CDK5RAP2: variants seen among roughly 807,000 people sequenced by gnomAD.
CDK5RAP2 encodes the protein CDK5 regulatory subunit associated protein 2.
A neutral mutation model predicts 232.9 loss-of-function variants in CDK5RAP2; 147 were observed. That is an observed-to-expected ratio of 0.63 (90% CI 0.55 to 0.72). CDK5RAP2 has a LOEUF of 0.72. Among genes scored for constraint, CDK5RAP2 ranks in the 30% least tolerant of loss-of-function variants. The pLI is 0.00. For synonymous variants in CDK5RAP2, 833 were observed against 833.7 expected, an observed-to-expected ratio of 1.00 and a Z score of 0.01; for missense variants, 2,195 against 2,231.5, an observed-to-expected ratio of 0.98 and a Z score of 0.33.
chr9:120,419,111 C>T (rs1281975243), intron 27 of CDK5RAP2, among the ~76,000 whole-genome samples: 1 of 152,184 alleles, frequency 6.6e-6, no homozygotes, highest in Admixed American at 6.5e-5. Flanking sequence ...CCAGCTCTCT[C>T]GCCTTCCTTC....
intron 12 of CDK5RAP2, among the ~76,000 whole-genome samples, chr9:120,515,535 A>G (rs2040294983): frequency 6.6e-6 from 1 of 152,248 alleles, no homozygotes; most frequent in Non-Finnish European, 1.5e-5. Flanking sequence ...GTGTTCAATA[A>G]CACTGAATAA....
At chr9:120,501,466 G>A (rs1019671705) in intron 12 of CDK5RAP2, among the ~76,000 whole-genome samples, 3 of 152,166 alleles carry the variant, frequency 2.0e-5, no homozygotes, top group Non-Finnish European at 4.4e-5. Flanking sequence ...GGAATTTTGT[G>A]TATTTTGTTT....
Position 120,408,238 on chromosome 9 carries a change from A to T in CDK5RAP2, c.4726+109T>A. ...TCAACACCCATCCACTCTACCCACA[A>T]GGCCAGAGTGGAGAGGGCTGAGCTC... On this transcript the variant is annotated intron_variant, in intron 31 of 37. Coordinates refer to ENST00000349780, the MANE Select transcript of CDK5RAP2 (RefSeq NM_018249.6). 3 of 1,291,086 alleles carry T rather than the reference A, an allele frequency of 2.3e-6. No individual in the cohort carries two copies. The South Asian group carries it at 3.6e-5, about 15-fold the overall frequency. The allele number at this position is 1,291,086 out of a possible 1,614,324, so 80.0% of individuals were successfully genotyped here. A position where few individuals can be genotyped will look rare whatever the true frequency, so the allele number is the denominator to read the frequency against.
chr9:120,454,015 G>C, intron 20 of CDK5RAP2, 142 bp from the exon 21 acceptor site: 1 of 815,432 alleles, frequency 1.2e-6, no homozygotes, highest in Non-Finnish European at 2.1e-6. Context: ...CAACGTGCCA[G>C]GGCCCACATC....
chr9:120,519,260 T>C (rs1029935794), intron 11 of CDK5RAP2, among the ~76,000 whole-genome samples: 3 of 151,754 alleles, frequency 2.0e-5, no homozygotes, highest in African/African-American at 7.3e-5. Context: ...CTATAGTTAC[T>C]TTTTTTTGTC....
chr9:120,572,167 T>A, intron 1 of CDK5RAP2, 126 bp from the exon 2 acceptor site: 1 of 771,548 alleles, frequency 1.3e-6, no homozygotes, highest in Non-Finnish European at 2.3e-6. Context: ...GGGCTACCTA[T>A]GTGGCATGAA....
chr9:120,490,148 G>A (rs1167829133), intron 13 of CDK5RAP2, among the ~76,000 whole-genome samples: 4 of 152,134 alleles, frequency 2.6e-5, no homozygotes, highest in Non-Finnish European at 4.4e-5. Flanking sequence ...GATAAACTCA[G>A]GCCATCCACC....
At chr9:120,548,146 G>A (rs2041918189) in intron 4 of CDK5RAP2, among the ~76,000 whole-genome samples, 1 of 152,172 alleles carries the variant, frequency 6.6e-6, no homozygotes. Context: ...CATCTATGAG[G>A]CAGAACTTTT....
intron 6 of CDK5RAP2, among the ~76,000 whole-genome samples, chr9:120,538,048 G>A (rs377183910): frequency 9.2e-5 from 14 of 152,132 alleles, no homozygotes; most frequent in African/African-American, 3.1e-4. Flanking sequence ...TTACATTTTC[G>A]CTAAAATTCA....
intron 27 of CDK5RAP2, among the ~76,000 whole-genome samples, chr9:120,417,453 T>C (rs997400007): frequency 6.6e-6 from 1 of 152,236 alleles, no homozygotes; most frequent in Admixed American, 6.5e-5. Context: ...GCTAGTCAGG[T>C]AGGAGTCAGT....
In CDK5RAP2 at chr9:120,389,129, T is replaced by TA; in HGVS notation, c.*106_*107insT. On this transcript the variant is annotated 3_prime_UTR_variant, in exon 38 of 38. Transcript: ENST00000349780. ...ATGAAGGGAAAAAATAGATTTCCTT[T>TA]GGCCAGACAGCTCTTTCTTCCTCAA... The TA allele has an allele frequency of 3.2e-6, 3 of 950,290 alleles. No individual in the cohort carries two copies. The highest frequency in any genetic ancestry group is 4.9e-6 in the Non-Finnish European group (3 of 609,870). 58.9% of individuals were successfully genotyped at this position (950,290 alleles called of 1,614,324 possible).
At position 120,458,583 on chromosome 9, in the gene CDK5RAP2, A is replaced by G. The variant is rs1341895459; in HGVS notation, c.2242T>C (p.Tyr748His). ...DLSKGGCKNG[Y>H]LRHTESKISD... ...ATCTTAGACTCCGTGTGCCTTAAGT[A>G]TCCATTTTTGCAGCCTCCTTTGGAA... Residue 748 changes from tyrosine (Y) to histidine (H), a missense_variant, in exon 20 of 38, where the codon TAC (tyrosine) becomes CAC (histidine). Transcript: ENST00000349780. The G allele has an allele frequency of 6.2e-7, 1 of 1,614,184 alleles. No homozygotes were observed. Among genetic ancestry groups the G allele is most frequent in the Non-Finnish European group, 8.5e-7 (1 of 1,180,026 alleles).
At chr9:120,559,210 C>T (rs555727594) in intron 3 of CDK5RAP2, among the ~76,000 whole-genome samples, 8 of 152,034 alleles carry the variant, frequency 5.3e-5, no homozygotes, top group East Asian at 1.9e-4. Flanking sequence ...ACATTGAGGC[C>T]GGGCACGGTG....
chr9:120,465,367 G>T (rs1003772172), intron 18 of CDK5RAP2, among the ~76,000 whole-genome samples: 7 of 152,262 alleles, frequency 4.6e-5, no homozygotes, highest in Admixed American at 4.6e-4. Context: ...GAAAATAGGT[G>T]CAACCTCATT....
intron 12 of CDK5RAP2, among the ~76,000 whole-genome samples, chr9:120,497,527 T>A (rs2039366769): frequency 6.9e-6 from 1 of 144,230 alleles, no homozygotes; most frequent in Non-Finnish European, 1.5e-5. Context: ...TCAAAAGATC[T>A]CCCCACAAAA....
intron 6 of CDK5RAP2, among the ~76,000 whole-genome samples, chr9:120,538,547 G>A (rs1327018402): frequency 1.3e-5 from 2 of 152,156 alleles, no homozygotes; most frequent in East Asian, 3.9e-4. Context: ...TTGGAGGGAA[G>A]CCAGATACCA....
In CDK5RAP2 at chr9:120,423,109, T is replaced by C. The variant is rs533175974; in HGVS notation, c.3956-368A>G. Among the ~76,000 whole-genome samples, 37 of 152,364 alleles carry C rather than the reference T, an allele frequency of 2.4e-4. No individual in the cohort carries two copies. In the South Asian group the frequency reaches 7.5e-3, roughly 31 times the overall value. ...CCTGGCACTCCCACAGCCAAGTTAC[T>C]GGATTTCTTTCCATTCTTTTTTTCA... On this transcript the variant is annotated intron_variant, in intron 25 of 37. Transcript: ENST00000349780.
chr9:120,503,202 A>G (rs1667290139), intron 12 of CDK5RAP2, among the ~76,000 whole-genome samples: 1 of 152,256 alleles, frequency 6.6e-6, no homozygotes, highest in Non-Finnish European at 1.5e-5. Flanking sequence ...CCTGAAATTA[A>G]TTTATCATTT....
intron 4 of CDK5RAP2, among the ~76,000 whole-genome samples, chr9:120,548,970 A>G (rs1333030074): frequency 6.6e-6 from 1 of 152,210 alleles, no homozygotes; most frequent in African/African-American, 2.4e-5. Context: ...CAGCCTGGAG[A>G]ACATGGGGAA....
Sources: allele counts gnomAD v4.1 joint callset (sites outside exome capture counted in the v4.1 genomes callset), GRCh38; gene constraint gnomAD v4.1.1; transcripts MANE v1.5; gene names NCBI Gene and HGNC (gene_info 2026-07-23, HGNC 2026-07-21).